MOCOS: variants seen among roughly 807,000 people sequenced by gnomAD.
MOCOS encodes human molybdenum cofactor sulfurase.
In MOCOS, 86 loss-of-function variants were observed where a neutral mutation model predicts 83.6. That is an observed-to-expected ratio of 1.03 (90% CI 0.86 to 1.23). The LOEUF is 1.23. MOCOS is among the 50% of genes most tolerant of loss of function. The pLI is 0.00. For synonymous variants in MOCOS, 445 were observed against 434.7 expected, an observed-to-expected ratio of 1.02 and a Z score of -0.29; for missense variants, 1,120 against 1,126.9, an observed-to-expected ratio of 0.99 and a Z score of 0.09.
chr18:36,220,266 T>C (rs1568056738), intron 9 of MOCOS, 49 bp downstream of exon 9: 1 of 1,604,628 alleles, frequency 6.2e-7, no homozygotes, highest in Non-Finnish European at 8.5e-7. Context: ...CAGCAGCTTT[T>C]ATATTCATAT....
intron 9 of MOCOS, among the ~76,000 whole-genome samples, chr18:36,237,841 T>G (rs2091565363): frequency 1.3e-5 from 2 of 149,854 alleles, no homozygotes; most frequent in Non-Finnish European, 3.0e-5. Flanking sequence ...AGATTCAACT[T>G]CTTCCTGGTT....
Position 36,195,063 on chromosome 18 carries a change from T to G in MOCOS, c.143-194T>G, listed in dbSNP as rs16967519. On this transcript the variant is annotated intron_variant, in intron 1 of 14. Coordinates refer to ENST00000261326, the MANE Select transcript of MOCOS (RefSeq NM_017947.4). ...TGATTAATCAGGAGGGCTCTCTCAG[T>G]GCTTTAAAAGTCCTTCAGCATTAGA... Among the ~76,000 whole-genome samples the G allele has an allele frequency of 0.15, 22,389 of 152,160 alleles. 1,863 individuals are homozygous for G. The highest frequency in any genetic ancestry group is 0.32 in the East Asian group (1,632 of 5,168).
chr18:36,222,710 T>C (rs1323315309), intron 9 of MOCOS, among the ~76,000 whole-genome samples: 1 of 151,914 alleles, frequency 6.6e-6, no homozygotes, highest in Non-Finnish European at 1.5e-5. Context: ...CACGCCATTC[T>C]CCTGCCTCAG....
intron 9 of MOCOS, among the ~76,000 whole-genome samples, chr18:36,230,251 A>G (rs2091533023): frequency 1.3e-5 from 2 of 152,032 alleles, no homozygotes; most frequent in Admixed American, 6.6e-5. Flanking sequence ...ACACCAGGCT[A>G]ATTTTTTTGT....
chr18:36,208,931 G>T (rs2091444197), intron 6 of MOCOS, among the ~76,000 whole-genome samples: 1 of 152,134 alleles, frequency 6.6e-6, no homozygotes, highest in Non-Finnish European at 1.5e-5. Flanking sequence ...GTGTAGTTTT[G>T]TCATAGATGG....
intron 4 of MOCOS, among the ~76,000 whole-genome samples, chr18:36,201,406 G>A (rs2091414077): frequency 6.6e-6 from 1 of 152,096 alleles, no homozygotes; most frequent in Non-Finnish European, 1.5e-5. Context: ...GCTCACACCT[G>A]TAATCCCAGC....
At chr18:36,264,955 G>A (rs1025930522) in intron 13 of MOCOS, among the ~76,000 whole-genome samples, 5 of 152,152 alleles carry the variant, frequency 3.3e-5, no homozygotes, top group East Asian at 1.9e-4. Flanking sequence ...TAAGCAAAAA[G>A]GATTATAAAC....
At chr18:36,195,399 C>A (rs999562098) in intron 2 of MOCOS, 53 bp downstream of exon 2, 10 of 1,436,178 alleles carry the variant, frequency 7.0e-6, no homozygotes, top group African/African-American at 1.4e-5. Flanking sequence ...AGCTGATATA[C>A]CTGTGCATGT....
rs1442345167 is a variant in MOCOS, at chr18:36,215,934, C to G, written c.1754C>G (p.Thr585Ser). The G allele has an allele frequency of 5.0e-6, 8 of 1,613,700 alleles. No homozygotes were observed. The Admixed American group carries it at 6.7e-5, about 13-fold the overall frequency. Reference protein sequence around the residue: ...LEGALGPHVVTNLYLYPIKSC... With the variant: ...LEGALGPHVVSNLYLYPIKSC... Reference sequence around the variant, plus strand: ...GGGGCCCTTGGGCCACATGTTGTCACTAACCTTTATCTCTATCCAATCAAA... The same window carrying G: ...GGGGCCCTTGGGCCACATGTTGTCAGTAACCTTTATCTCTATCCAATCAAA... The change falls in exon 8 of 15, where the codon ACT becomes AGT. Residue 585 changes from threonine (T) to serine (S), a missense_variant. Transcript: ENST00000261326.
chr18:36,247,591 C>T (rs574309180), intron 9 of MOCOS, among the ~76,000 whole-genome samples: 1 of 152,236 alleles, frequency 6.6e-6, no homozygotes, highest in East Asian at 1.9e-4. Context: ...CCTGCTGCTG[C>T]TTCTACTTTT....
intron 9 of MOCOS, among the ~76,000 whole-genome samples, chr18:36,242,511 C>T (rs2091587634): frequency 6.6e-6 from 1 of 152,202 alleles, no homozygotes; most frequent in African/African-American, 2.4e-5. Flanking sequence ...TCCACATTTT[C>T]AAGTATCTTT....
At chr18:36,235,139 TTTA>T (rs976307863) in intron 9 of MOCOS, among the ~76,000 whole-genome samples, 3 of 151,732 alleles carry the variant, frequency 2.0e-5, no homozygotes, top group Admixed American at 6.6e-5. Flanking sequence ...TTTAAATTTT[TTTA>T]TTATTATACT....
chr18:36,206,402 A>G (rs1000743631), intron 6 of MOCOS, among the ~76,000 whole-genome samples: 3 of 151,718 alleles, frequency 2.0e-5, no homozygotes, highest in African/African-American at 7.3e-5. Context: ...ATGTGCCACC[A>G]TGCCTGGCTA....
At chr18:36,203,060 C>T (rs958292007) in intron 4 of MOCOS, 53 bp from the exon 5 acceptor site, 1 of 1,532,814 alleles carries the variant, frequency 6.5e-7, no homozygotes, top group Non-Finnish European at 9.0e-7. Context: ...ACGAAATGCA[C>T]ATGGATTGTT....
intron 8 of MOCOS, among the ~76,000 whole-genome samples, chr18:36,217,362 T>C (rs977075698): frequency 6.6e-6 from 1 of 152,228 alleles, no homozygotes; most frequent in Non-Finnish European, 1.5e-5. Flanking sequence ...TTAAAGTATA[T>C]TAAAAATATT....
intron 9 of MOCOS, among the ~76,000 whole-genome samples, chr18:36,224,839 A>T (rs1451396567): frequency 6.6e-6 from 1 of 152,130 alleles, no homozygotes; most frequent in African/African-American, 2.4e-5. Flanking sequence ...TTTAGTATTA[A>T]TTCTTCTTTA....
chr18:36,204,798 G>A (rs974314816), intron 5 of MOCOS, among the ~76,000 whole-genome samples: 1 of 151,872 alleles, frequency 6.6e-6, no homozygotes, highest in Non-Finnish European at 1.5e-5. Context: ...CTCAAGACAA[G>A]CCTGGGCAAC....
At chr18:36,189,930 G>T (rs1210309822) in intron 1 of MOCOS, 2 of 152,240 alleles carry the variant, frequency 1.3e-5, no homozygotes, top group African/African-American at 4.8e-5. Flanking sequence ...ATGGCTACTG[G>T]TGGAGCCAGG....
chr18:36,214,236 C>T (rs1366008782), intron 7 of MOCOS, among the ~76,000 whole-genome samples: 5 of 90,002 alleles, frequency 5.6e-5, no homozygotes, highest in African/African-American at 1.9e-4. Context: ...AAGAGCAAAA[C>T]TCAGTCTCAA....
Sources: gnomAD v4.1 joint callset for allele counts (sites outside exome capture counted in the v4.1 genomes callset) on GRCh38, gnomAD v4.1.1 for gene constraint, MANE v1.5 for transcripts, NCBI Gene and HGNC (gene_info 2026-07-23, HGNC 2026-07-21) for gene names.